Variants in FANCB observed in about 807,000 individuals in gnomAD.
FANCB encodes the protein FA complementation group B, also known as Fanconi anemia group B protein.
In FANCB, 5 loss-of-function variants were observed where a neutral mutation model predicts 38.9. The observed-to-expected ratio is 0.13, with a 90% CI of 0.07 to 0.27. FANCB has a LOEUF of 0.27. Among genes scored for constraint, FANCB ranks in the 10% least tolerant of loss-of-function variants. The pLI, the probability that FANCB is intolerant of heterozygous loss-of-function variation, is 1.00. For missense variants in FANCB, 573 were observed against 602.7 expected (o/e 0.95, Z 0.52); for synonymous variants, 236 against 215.4 (o/e 1.10, Z -0.84).
the FANCB span, among the ~76,000 whole-genome samples, chrX:14,751,082 C>T: frequency 7.2e-5 from 8 of 111,735 alleles, no homozygotes; most frequent in African/African-American, 2.3e-4. Context: ...TGTAAAATAG[C>T]GCCCTCATGG....
the FANCB span, among the ~76,000 whole-genome samples, chrX:14,823,144 G>A: frequency 3.1e-5 from 3 of 97,525 alleles, no homozygotes; most frequent in South Asian, 5.2e-4. Context: ...GTGCAGTGGC[G>A]CGATCTTGGC....
chrX:14,761,473 T>C, the FANCB span, among the ~76,000 whole-genome samples: 1 of 110,469 alleles, frequency 9.1e-6, no homozygotes, highest in Admixed American at 9.8e-5. Flanking sequence ...TGGCATAAGA[T>C]AGAATCTCCA....
the FANCB span, among the ~76,000 whole-genome samples, chrX:14,713,494 A>G: frequency 8.9e-6 from 1 of 112,100 alleles, no homozygotes; most frequent in Non-Finnish European, 1.9e-5. Context: ...ACTACTCTCT[A>G]AGGCTACAGA....
chrX:14,858,487 C>T (rs1006349055), intron 4 of FANCB, among the ~76,000 whole-genome samples: 3 of 111,592 alleles, frequency 2.7e-5, no homozygotes, highest in Admixed American at 1.9e-4. Context: ...CCTACTACTA[C>T]CACCTAACAT....
chrX:14,707,653 T>TGAAACTTCTGTTGCC, the FANCB span, among the ~76,000 whole-genome samples: 1 of 105,564 alleles, frequency 9.5e-6, no homozygotes, highest in Non-Finnish European at 1.9e-5. Flanking sequence ...TACTACTTTG[T>TGAAACTTCTGTTGCC]GAAACTTTTG....
the FANCB span, among the ~76,000 whole-genome samples, chrX:14,711,617 G>A: frequency 4.4e-5 from 5 of 112,496 alleles, no homozygotes; most frequent in Admixed American, 1.9e-4. Context: ...AACATTTATT[G>A]AGCATACACT....
the FANCB span, among the ~76,000 whole-genome samples, chrX:14,785,872 C>T: frequency 8.9e-5 from 10 of 111,752 alleles, no homozygotes; most frequent in Non-Finnish European, 1.5e-4. Flanking sequence ...TGCTGGCAAG[C>T]TGGTGGGTGA....
the FANCB span, among the ~76,000 whole-genome samples, chrX:14,830,768 C>T: frequency 2.7e-5 from 3 of 111,568 alleles, no homozygotes; most frequent in Non-Finnish European, 5.6e-5. Flanking sequence ...TCCCCATGTG[C>T]GGTGCCTAAA....
In FANCB at chrX:14,863,168, A is replaced by G. The variant is rs6628571; in HGVS notation, c.951+1392T>C. On this transcript the variant is annotated intron_variant, in intron 3 of 9. Coordinates refer to ENST00000650831, the MANE Select transcript of FANCB (RefSeq NM_001018113.3). ...AGGCAAAGCCTGATTCATAATTCCA[A>G]CTTGACATTCCTCCCCCCACACAAA... Among the ~76,000 whole-genome samples, 9 of 112,025 alleles carry G rather than the reference A, an allele frequency of 8.0e-5. No homozygotes were observed. The East Asian group carries it at 2.0e-3, about 24-fold the overall frequency.
chrX:14,811,975 C>T, the FANCB span, among the ~76,000 whole-genome samples: 7 of 112,009 alleles, frequency 6.2e-5, no homozygotes, highest in Admixed American at 4.7e-4. Flanking sequence ...TCTTAGACCA[C>T]AGTGCAATCA....
chrX:14,851,770 A>C (rs1421461617), intron 6 of FANCB, among the ~76,000 whole-genome samples: 3 of 112,575 alleles, frequency 2.7e-5, no homozygotes, highest in African/African-American at 9.7e-5. Context: ...ATGGTGAAAC[A>C]ATTTTAACAA....
the FANCB span, among the ~76,000 whole-genome samples, chrX:14,726,734 T>C: frequency 3.6e-5 from 4 of 112,620 alleles, no homozygotes; most frequent in African/African-American, 1.3e-4. Context: ...ATTCACAGTA[T>C]GTGATGAAAG....
Position 14,864,551 on chromosome X carries a change from G to C in FANCB, c.951+9C>G. ...ACCAACTGAATTATTATTACAATAA[G>C]TGTTGTACCTGAAAGCTCTCTTTCC... On this transcript the variant is annotated intron_variant, in intron 3 of 9. Transcript: ENST00000650831. 9.5e-7 allele frequency: 1 copy of C among 1,050,274 alleles called. No homozygotes were observed. The highest frequency in any genetic ancestry group is 1.3e-6 in the Non-Finnish European group (1 of 748,397). 86.6% of individuals were successfully genotyped at this position (1,050,274 alleles called of 1,213,427 possible).
the FANCB span, among the ~76,000 whole-genome samples, chrX:14,690,139 AG>A: frequency 8.9e-6 from 1 of 111,778 alleles, no homozygotes; most frequent in Non-Finnish European, 1.9e-5. Context: ...GGCCATATAT[AG>A]TTTATTTCTC....
the FANCB span, among the ~76,000 whole-genome samples, chrX:14,728,340 C>A: frequency 9.0e-6 from 1 of 111,132 alleles, no homozygotes; most frequent in Non-Finnish European, 1.9e-5. Flanking sequence ...CTGCAGTGAG[C>A]CGTGATCATG....
chrX:14,812,199 A>C, the FANCB span, among the ~76,000 whole-genome samples: 3 of 111,177 alleles, frequency 2.7e-5, no homozygotes, highest in Non-Finnish European at 5.7e-5. Flanking sequence ...CTAAATGCCC[A>C]CAAGAGAAAG....
the FANCB span, among the ~76,000 whole-genome samples, chrX:14,782,564 T>G: frequency 8.9e-6 from 1 of 111,818 alleles, no homozygotes; most frequent in African/African-American, 3.3e-5. Flanking sequence ...AAGAGGTGAT[T>G]AGTCTTTTTC....
the FANCB span, among the ~76,000 whole-genome samples, chrX:14,734,440 T>C: frequency 1.8e-5 from 2 of 112,021 alleles, no homozygotes; most frequent in African/African-American, 3.2e-5. Context: ...TCTCTCAGCA[T>C]TTGCTTGTCT....
chrX:14,708,661 G>T, the FANCB span, among the ~76,000 whole-genome samples: 521 of 111,914 alleles, frequency 4.7e-3, 3 homozygotes, highest in Non-Finnish European at 8.3e-3. Context: ...ATCAGGCCAG[G>T]CGCGGTGGCT....
Sources: gnomAD v4.1 joint callset for allele counts (sites outside exome capture counted in the v4.1 genomes callset) on GRCh38, gnomAD v4.1.1 for gene constraint, MANE v1.5 for transcripts, NCBI Gene and HGNC (gene_info 2026-07-23, HGNC 2026-07-21) for gene names.